POU2F1: variants seen among roughly 807,000 people sequenced by gnomAD.
The protein encoded by POU2F1 is POU domain, class 2, transcription factor 1.
In POU2F1, 16 loss-of-function variants were observed where a neutral mutation model predicts 84.9. That is an observed-to-expected ratio of 0.19 (90% CI 0.13 to 0.29). The LOEUF is 0.29. Ranked by LOEUF, POU2F1 falls within the 10% of genes least tolerant of loss-of-function variation. POU2F1 has a pLI of 1.00. For synonymous variants in POU2F1, 368 were observed against 368.3 expected, an observed-to-expected ratio of 1.00 and a Z score of 0.01; for missense variants, 738 against 942.6, an observed-to-expected ratio of 0.78 and a Z score of 2.84.
At chr1:167,269,490 A>G (rs1299230827) in intron 1 of POU2F1, among the ~76,000 whole-genome samples, 3 of 152,242 alleles carry the variant, frequency 2.0e-5, no homozygotes, top group Admixed American at 6.5e-5. Context: ...CGGACAGTTA[A>G]TAAGTGGTTT....
rs943159334 is a variant in POU2F1, at chr1:167,424,418, G to T, written c.*8608G>T. ...ACTCCGCAGGAAACGCTCTCCTCCCGCATAAGTCTGTACTTCCATCCCCTC... is the reference window on the plus strand; with the variant it reads ...ACTCCGCAGGAAACGCTCTCCTCCCTCATAAGTCTGTACTTCCATCCCCTC... On this transcript the variant is annotated 3_prime_UTR_variant, in exon 16 of 16. Transcript: ENST00000367866. The T allele has an allele frequency of 1.3e-5, 2 of 152,302 alleles. No homozygotes were observed. The highest frequency in any genetic ancestry group is 2.1e-4 in the South Asian group (1 of 4,834). The allele number at this position is 152,302 out of a possible 1,614,324, so 9.4% of individuals were successfully genotyped here. A position where few individuals can be genotyped will look rare whatever the true frequency, so the allele number is the denominator to read the frequency against.
chr1:167,415,116 T>C (rs146440267), intron 15 of POU2F1, among the ~76,000 whole-genome samples: 1 of 152,326 alleles, frequency 6.6e-6, no homozygotes, highest in East Asian at 1.9e-4. Flanking sequence ...TAGTTTGTCC[T>C]TTGAACAGAG....
intron 1 of POU2F1, among the ~76,000 whole-genome samples, chr1:167,250,316 CCAT>C (rs1650629248): frequency 6.6e-6 from 1 of 152,120 alleles, no homozygotes; most frequent in Non-Finnish European, 1.5e-5. Flanking sequence ...TGGGGAACAT[CCAT>C]CATGGATCAG....
intron 9 of POU2F1, among the ~76,000 whole-genome samples, chr1:167,390,401 TCAGTACTTCA>T (rs1437788000): frequency 6.6e-6 from 1 of 152,232 alleles, no homozygotes; most frequent in Non-Finnish European, 1.5e-5. Context: ...GTGGTAGACC[TCAGTACTTCA>T]TATGTAAGAT....
At chr1:167,276,561 TAGA>T (rs1652744297) in intron 1 of POU2F1, among the ~76,000 whole-genome samples, 1 of 152,172 alleles carries the variant, frequency 6.6e-6, no homozygotes, top group African/African-American at 2.4e-5. Context: ...TATATTCTTA[TAGA>T]AGAAGAGTTT....
Position 167,415,881 on chromosome 1 carries a change from A to T in POU2F1, c.*71A>T. On this transcript the variant is annotated 3_prime_UTR_variant, in exon 16 of 16. Transcript: ENST00000367866. ...TGATTGGACTGCCAGCCAGGTTAAT[A>T]AACTGAAAAATGTGATTGGCTTCCT... The T allele has an allele frequency of 1.3e-6, 2 of 1,488,126 alleles. No homozygotes were observed. The highest frequency in any genetic ancestry group is 1.8e-6 in the Non-Finnish European group (2 of 1,098,052). The allele number at this position is 1,488,126 out of a possible 1,614,324, so 92.2% of individuals were successfully genotyped here. A position where few individuals can be genotyped will look rare whatever the true frequency, so the allele number is the denominator to read the frequency against.
intron 11 of POU2F1, among the ~76,000 whole-genome samples, chr1:167,398,541 T>A (rs1648971939): frequency 6.6e-6 from 1 of 152,164 alleles, no homozygotes; most frequent in Non-Finnish European, 1.5e-5. Flanking sequence ...TTGGTTAAAT[T>A]GTAGTGTCTG....
intron 1 of POU2F1, among the ~76,000 whole-genome samples, chr1:167,324,563 C>G (rs1656560081): frequency 6.6e-6 from 1 of 152,110 alleles, no homozygotes; most frequent in East Asian, 1.9e-4. Flanking sequence ...TTCAGCCAAC[C>G]AACTACTGAT....
chr1:167,340,712 C>T (rs1189004100), intron 2 of POU2F1, among the ~76,000 whole-genome samples: 1 of 152,088 alleles, frequency 6.6e-6, no homozygotes, highest in African/African-American at 2.4e-5. Context: ...TAGGCATGAG[C>T]CACCATGCCT....
intron 1 of POU2F1, among the ~76,000 whole-genome samples, chr1:167,267,594 A>C (rs1652056875): frequency 6.7e-6 from 1 of 148,690 alleles, no homozygotes. Context: ...AAACATTTTA[A>C]AATTCTTCAT....
chr1:167,320,186 AT>A (rs1656212767), intron 1 of POU2F1, among the ~76,000 whole-genome samples: 1 of 152,216 alleles, frequency 6.6e-6, no homozygotes. Flanking sequence ...ACTGTGTAGA[AT>A]GAACCACATA....
intron 13 of POU2F1, among the ~76,000 whole-genome samples, chr1:167,411,577 G>A (rs1649971958): frequency 6.6e-6 from 1 of 152,016 alleles, no homozygotes; most frequent in Non-Finnish European, 1.5e-5. Context: ...TTTTTCTGAG[G>A]AGACCCCTAA....
intron 3 of POU2F1, among the ~76,000 whole-genome samples, chr1:167,367,432 A>T (rs1032608559): frequency 6.6e-6 from 1 of 152,222 alleles, no homozygotes. Flanking sequence ...ATAGATGACT[A>T]AATGGTCAAG....
At chr1:167,248,510 C>T (rs1412855055) in intron 1 of POU2F1, among the ~76,000 whole-genome samples, 2 of 152,030 alleles carry the variant, frequency 1.3e-5, no homozygotes, top group Non-Finnish European at 2.9e-5. Context: ...TTATAATACC[C>T]TGTGATAAAT....
At chr1:167,363,000 A>T (rs554568804) in intron 2 of POU2F1, among the ~76,000 whole-genome samples, 2 of 152,318 alleles carry the variant, frequency 1.3e-5, no homozygotes, top group Admixed American at 6.5e-5. Flanking sequence ...ATAATACATT[A>T]AAAATGTAAG....
chr1:167,412,371 G>C, intron 14 of POU2F1, 67 bp downstream of exon 14: 2 of 1,355,292 alleles, frequency 1.5e-6, no homozygotes, highest in Non-Finnish European at 2.0e-6. Flanking sequence ...TCACAGGGGA[G>C]ACTTTACATC....
rs1281168704 is a variant in POU2F1 at position 167,378,555 on chromosome 1, C to T, written c.718+2400C>T. Among the ~76,000 whole-genome samples the T allele has an allele frequency of 3.9e-5, 6 of 151,906 alleles. No individual in the cohort carries two copies. In the East Asian group the frequency reaches 5.8e-4, roughly 15 times the overall value. On this transcript the variant is annotated intron_variant, in intron 7 of 15. Coordinates refer to ENST00000367866, the MANE Select transcript of POU2F1 (RefSeq NM_002697.4). Reference sequence around the variant, plus strand: ...CTGAGTAGCTGGGATTATAGGCGCCCGCCACTATGCTGGGCTAATTTTTGG... The same window carrying T: ...CTGAGTAGCTGGGATTATAGGCGCCTGCCACTATGCTGGGCTAATTTTTGG...
intron 1 of POU2F1, among the ~76,000 whole-genome samples, chr1:167,263,424 A>G (rs1651714316): frequency 6.6e-6 from 1 of 151,820 alleles, no homozygotes; most frequent in Non-Finnish European, 1.5e-5. Context: ...GGGGGTTGAG[A>G]CAGAATTGCT....
intron 5 of POU2F1, 32 bp from the exon 6 acceptor site, chr1:167,374,076 A>G (rs762824189): frequency 6.2e-7 from 1 of 1,610,912 alleles, no homozygotes; most frequent in Non-Finnish European, 8.5e-7. Context: ...CTCCTTCAAC[A>G]CTTTCCCATA....
Sources: gnomAD v4.1 joint callset for allele counts (sites outside exome capture counted in the v4.1 genomes callset) on GRCh38, gnomAD v4.1.1 for gene constraint, MANE v1.5 for transcripts, NCBI Gene and HGNC (gene_info 2026-07-23, HGNC 2026-07-21) for gene names.